Variants in COL4A3 observed in about 807,000 individuals in gnomAD.
COL4A3 encodes the protein collagen alpha-3(IV) chain.
A neutral mutation model predicts 217.4 loss-of-function variants in COL4A3; 135 were observed. That is an observed-to-expected ratio of 0.62 (90% CI 0.54 to 0.72). The LOEUF is 0.72. Among genes scored for constraint, COL4A3 ranks in the 30% least tolerant of loss-of-function variants. The probability of loss-of-function intolerance (pLI) is 0.00; values close to 1 mark genes in which losing one functional copy is unlikely to be tolerated. For missense variants in COL4A3, 1,868 were observed against 2,119.9 expected (o/e 0.88, Z 2.33); for synonymous variants, 690 against 736.3 (o/e 0.94, Z 1.02).
At position 227,282,432 on chromosome 2, in the gene COL4A3, T is replaced by C; in HGVS notation, c.2556T>C (p.Pro852=). 1 of 1,613,878 alleles carries C rather than the reference T, an allele frequency of 6.2e-7. No individual in the cohort carries two copies. Residue 852 remains proline (P), a synonymous_variant, in exon 32 of 52, where the codon CCT becomes CCC. Transcript: ENST00000396578. This position sits in a 1 kb window ranked among gnomAD's most constrained non-coding sequence, Gnocchi z 4.4. ...GIPGLDRSGF[P]GETGSPGIPG... Reference sequence around the variant, plus strand: ...CAGGCTTGGATAGATCAGGATTTCCTGGAGAAACTGGATCACCAGGAATTC... The same window carrying C: ...CAGGCTTGGATAGATCAGGATTTCCCGGAGAAACTGGATCACCAGGAATTC...
In COL4A3 at chr2:227,289,188, G is replaced by A. The variant is rs777581994; in HGVS notation, c.2920G>A (p.Val974Ile). The A allele has an allele frequency of 1.7e-5, 28 of 1,613,834 alleles. No homozygotes were observed. The highest frequency in any genetic ancestry group is 1.6e-4 in the Middle Eastern group (1 of 6,062). Reference sequence around the variant, plus strand: ...TCCAGGTGAGAAAGGAAACAGAGGCGTTCCAGGGATGCCAGGTTTAAAGGG... The same window carrying A: ...TCCAGGTGAGAAAGGAAACAGAGGCATTCCAGGGATGCCAGGTTTAAAGGG... ...GNPGEKGNRG[V>I]PGMPGLKGLK... is the part of the protein sequence containing the mutation. Residue 974 changes from valine (V) to isoleucine (I), a missense_variant, in exon 35 of 52, where the codon GTT (valine) becomes ATT (isoleucine). Val to Ile is a conservative substitution (Grantham distance 29). This residue lies in a region of COL4A3 where 1,503 missense variants were observed against 1,786.1 expected (regional missense o/e 0.84). Coordinates refer to ENST00000396578, the MANE Select transcript of COL4A3 (RefSeq NM_000091.5).
intron 1 of COL4A3, among the ~76,000 whole-genome samples, chr2:227,200,181 A>G (rs1471275159): frequency 6.6e-6 from 1 of 152,180 alleles, no homozygotes; most frequent in Non-Finnish European, 1.5e-5. Context: ...GATGGAAAAG[A>G]ACAGGAACGA....
chr2:227,241,956 A>G (rs2069049770), intron 3 of COL4A3, among the ~76,000 whole-genome samples: 1 of 152,216 alleles, frequency 6.6e-6, no homozygotes, highest in Non-Finnish European at 1.5e-5. Flanking sequence ...CACAGGAAGC[A>G]AAATCAGAGT....
intron 1 of COL4A3, among the ~76,000 whole-genome samples, chr2:227,178,449 G>C: frequency 6.6e-6 from 1 of 152,120 alleles, no homozygotes; most frequent in Non-Finnish European, 1.5e-5. Flanking sequence ...ACTCTCCGAC[G>C]TTTATTAAAG....
chr2:227,244,908 G>GTTGTTTT, intron 4 of COL4A3, 43 bp from the exon 5 acceptor site: 1 of 1,307,502 alleles, frequency 7.6e-7, no homozygotes. Context: ...CATTTTTAAA[G>GTTGTTTT]TTTTTTTTTT....
chr2:227,170,432 G>A (rs1471749631), intron 1 of COL4A3, among the ~76,000 whole-genome samples: 1 of 152,020 alleles, frequency 6.6e-6, no homozygotes, highest in Non-Finnish European at 1.5e-5. Context: ...GGCTGGGGAG[G>A]CCTCACAATC....
chr2:227,292,991 A>G (rs2072838908), intron 37 of COL4A3, among the ~76,000 whole-genome samples, 200 bp from the exon 38 acceptor site: 1 of 152,192 alleles, frequency 6.6e-6, no homozygotes, highest in East Asian at 1.9e-4. Flanking sequence ...GTTTTAAGGG[A>G]AACTGCATTT....
Position 227,307,036 on chromosome 2 carries a change from T to A in COL4A3, c.4253-674T>A, listed in dbSNP as rs78275621. 3.8e-3 allele frequency among the ~76,000 whole-genome samples: 573 copies of A among 152,290 alleles called. 9 individuals carry two copies. The East Asian group carries it at 0.043, about 11-fold the overall frequency. On this transcript the variant is annotated intron_variant, in intron 47 of 51. Transcript: ENST00000396578. ...TGGTTCTCATCTAGAACACGACAAG[T>A]GTGGATTAGCCTTGTCCAAATCCAT...
intron 1 of COL4A3, among the ~76,000 whole-genome samples, chr2:227,212,203 CT>C (rs35603943): frequency 0.077 from 11,543 of 149,906 alleles, 661 homozygotes; most frequent in Admixed American, 0.13. Context: ...GGCACTAATT[CT>C]TTGTTATAGA....
chr2:227,172,581 C>T lies in COL4A3; in HGVS notation c.87+7768C>T, dbSNP rs111788924. ...CATCTTCTTCTTTCTTCGTCTTCTT[C>T]TTTTTTTTTTTTTTTTTTTTTTTTA... On this transcript the variant is annotated intron_variant, in intron 1 of 51. Coordinates refer to ENST00000396578, the MANE Select transcript of COL4A3 (RefSeq NM_000091.5). Among the ~76,000 whole-genome samples the T allele has an allele frequency of 6.8e-3, 500 of 73,632 alleles. 13 individuals are homozygous for T. The highest frequency in any genetic ancestry group is 0.044 in the Admixed American group (243 of 5,490). 48.3% of individuals were successfully genotyped at this position (73,632 alleles called of 152,430 possible).
At chr2:227,256,690 G>A (rs1406258704) in intron 17 of COL4A3, 7 of 554,222 alleles carry the variant, frequency 1.3e-5, no homozygotes, top group South Asian at 1.7e-5. Flanking sequence ...ACAATTGTAG[G>A]AAGTTTGTGG....
rs1559904445 is a variant in COL4A3, at chr2:227,289,181, CAG to C, written c.2916_2917del (p.Gly973ArgfsTer53). The C allele has an allele frequency of 2.5e-6, 4 of 1,613,804 alleles. No homozygotes were observed. Among genetic ancestry groups the C allele is most frequent in the Non-Finnish European group, 3.4e-6 (4 of 1,179,894 alleles). Reference protein sequence around the residue: ...FAGNPGEKGNRGVPGMPGLKG... With the variant: ...FAGNPGEKGNXGVPGMPGLKG... ...CAGGAAATCCAGGTGAGAAAGGAAA[CAG>C]AGGCGTTCCAGGGATGCCAGGTTTA... On this transcript the variant is annotated frameshift_variant, in exon 35 of 52. Transcript: ENST00000396578. LOFTEE classifies it high-confidence loss of function.
At chr2:227,218,053 CT>C (rs375119821) in intron 1 of COL4A3, among the ~76,000 whole-genome samples, 18 of 116,332 alleles carry the variant, frequency 1.5e-4, no homozygotes, top group Admixed American at 4.4e-4. Context: ...CTATATTTAA[CT>C]ATATATAAAA....
In COL4A3 at chr2:227,253,622, G is replaced by A; in HGVS notation, c.749G>A (p.Gly250Asp). The change falls in exon 13 of 52, where the codon GGC becomes GAC. Residue 250 changes from glycine (G) to aspartate (D), a missense_variant. This residue lies in a region of COL4A3 where 365 missense variants were observed against 333.8 expected (regional missense o/e 1.09). Transcript: ENST00000396578. The surrounding 1 kb of genome is among the most constrained non-coding windows in gnomAD (Gnocchi z 4.4). ...PPGTVIVTLT[G>D]PDNRTDLKGE... ...GGAACAGTTATTGTGACCCTAACTG[G>A]CCCAGATAACAGAACGGTAACTCTG... is the stretch of plus-strand genomic sequence containing the variant. 1 of 1,613,836 alleles carries A rather than the reference G, an allele frequency of 6.2e-7. No homozygotes were observed. Among genetic ancestry groups the A allele is most frequent in the Admixed American group, 1.7e-5 (1 of 59,984 alleles).
chr2:227,236,694 C>T (rs1439767152), intron 1 of COL4A3, among the ~76,000 whole-genome samples: 1 of 146,880 alleles, frequency 6.8e-6, no homozygotes, highest in Non-Finnish European at 1.5e-5. Context: ...GAGTCTCACT[C>T]TGTCACCCTG....
intron 32 of COL4A3, among the ~76,000 whole-genome samples, chr2:227,283,293 C>T (rs2072098802): frequency 6.6e-6 from 1 of 152,218 alleles, no homozygotes; most frequent in South Asian, 2.1e-4. Context: ...ACTTAATCGA[C>T]ACATTATCCT....
intron 1 of COL4A3, among the ~76,000 whole-genome samples, chr2:227,185,641 A>G (rs1250924122): frequency 2.0e-5 from 3 of 152,238 alleles, no homozygotes; most frequent in Non-Finnish European, 4.4e-5. Flanking sequence ...TGGTGTAATT[A>G]TAATCCCCAC....
chr2:227,182,636 T>C (rs1029662567), intron 1 of COL4A3, among the ~76,000 whole-genome samples: 5 of 152,222 alleles, frequency 3.3e-5, no homozygotes, highest in Non-Finnish European at 5.9e-5. Context: ...ATAAACATTA[T>C]AGTGCATTAT....
intron 49 of COL4A3, 28 bp downstream of exon 49, chr2:227,309,104 A>G (rs773335900): frequency 3.2e-5 from 51 of 1,613,494 alleles, no homozygotes; most frequent in Admixed American, 1.7e-5. Context: ...TAGTTTTACA[A>G]TGGGACCAAG....
Sources: gnomAD v4.1 joint callset for allele counts (sites outside exome capture counted in the v4.1 genomes callset) on GRCh38, gnomAD v4.1.1 for gene constraint, gnomAD v4.1.1 regional missense constraint, Gnocchi (gnomAD v3.1) non-coding constraint, MANE v1.5 for transcripts, NCBI Gene and HGNC (gene_info 2026-07-23, HGNC 2026-07-21) for gene names.